Variants in APBB2 observed in about 807,000 individuals in gnomAD.
APBB2 encodes amyloid beta precursor protein binding family B member 2.
APBB2 carries 38 observed loss-of-function variants against 82.5 expected under a neutral mutation model. The observed-to-expected ratio is 0.46, with a 90% CI of 0.36 to 0.60. The LOEUF (loss-of-function observed/expected upper bound fraction) is 0.60. APBB2 is among the 20% of genes least tolerant of loss of function. The probability of loss-of-function intolerance (pLI) is 0.00; values close to 1 mark genes in which losing one functional copy is unlikely to be tolerated. For synonymous variants in APBB2, 341 were observed against 368.2 expected, an observed-to-expected ratio of 0.93 and a Z score of 0.85; for missense variants, 772 against 972.3, an observed-to-expected ratio of 0.79 and a Z score of 2.74.
At chr4:41,167,695 G>A (rs1162104589) in intron 1 of APBB2, among the ~76,000 whole-genome samples, 1 of 152,208 alleles carries the variant, frequency 6.6e-6, no homozygotes, top group Non-Finnish European at 1.5e-5. Context: ...TCCTTCTAAT[G>A]GTGATAGGTT....
chr4:41,180,950 T>TA (rs5857781), intron 1 of APBB2, among the ~76,000 whole-genome samples: 118,539 of 151,244 alleles, frequency 0.78, 47,172 homozygotes, highest in Non-Finnish European at 0.86. Flanking sequence ...CCCTTTCATC[T>TA]AAAAAAAAAT....
At chr4:40,948,654 G>T (rs983010919) in intron 6 of APBB2, among the ~76,000 whole-genome samples, 10 of 151,578 alleles carry the variant, frequency 6.6e-5, no homozygotes, top group Non-Finnish European at 1.0e-4. Flanking sequence ...CAGCTACTCG[G>T]AAGGCTGAGG....
At chr4:41,036,532 T>A (rs1719248939) in intron 4 of APBB2, among the ~76,000 whole-genome samples, 1 of 152,182 alleles carries the variant, frequency 6.6e-6, no homozygotes, top group African/African-American at 2.4e-5. Context: ...ACATTTACCG[T>A]CTTGTGGAAC....
intron 12 of APBB2, among the ~76,000 whole-genome samples, chr4:40,855,628 C>G (rs1228805542): frequency 1.3e-5 from 2 of 151,958 alleles, no homozygotes; most frequent in South Asian, 2.1e-4. Context: ...CCCAGCTACT[C>G]AGGAGGCTGA....
At chr4:41,167,948 A>G (rs1363891088) in intron 1 of APBB2, among the ~76,000 whole-genome samples, 1 of 152,254 alleles carries the variant, frequency 6.6e-6, no homozygotes, top group Non-Finnish European at 1.5e-5. Context: ...GTCAGGACAG[A>G]AACTGACAAT....
At chr4:41,005,738 AAG>A (rs1320922143) in intron 6 of APBB2, among the ~76,000 whole-genome samples, 1 of 152,126 alleles carries the variant, frequency 6.6e-6, no homozygotes, top group Non-Finnish European at 1.5e-5. Context: ...CCGTGAAGTA[AAG>A]AGAGAGAAAA....
chr4:40,915,108 G>A (rs190976833), intron 10 of APBB2, among the ~76,000 whole-genome samples: 2 of 152,328 alleles, frequency 1.3e-5, no homozygotes, highest in East Asian at 3.9e-4. Context: ...TGTCCCCACT[G>A]GTTATTCCTT....
chr4:41,161,913 A>AT (rs1224928658), intron 1 of APBB2, among the ~76,000 whole-genome samples: 1 of 152,140 alleles, frequency 6.6e-6, no homozygotes, highest in African/African-American at 2.4e-5. Flanking sequence ...ATGAACCCCC[A>AT]TACAGCCAGC....
chr4:41,039,883 T>C (rs1012270133), intron 4 of APBB2, among the ~76,000 whole-genome samples: 8 of 152,094 alleles, frequency 5.3e-5, no homozygotes, highest in African/African-American at 1.7e-4. Context: ...TTGTTATTTT[T>C]TTCTCACCCA....
intron 10 of APBB2, among the ~76,000 whole-genome samples, chr4:40,899,820 C>T (rs956653896): frequency 6.6e-6 from 1 of 152,172 alleles, no homozygotes; most frequent in Non-Finnish European, 1.5e-5. Flanking sequence ...GGGGGATCTC[C>T]TTCAGGGACC....
chr4:40,974,073 C>T (rs544541950), intron 6 of APBB2, among the ~76,000 whole-genome samples: 2 of 151,848 alleles, frequency 1.3e-5, no homozygotes, highest in African/African-American at 2.4e-5. Context: ...AGGCTGGTCT[C>T]GAACTCCTGA....
At chr4:40,837,598 G>A (rs529562328) in intron 12 of APBB2, among the ~76,000 whole-genome samples, 17 of 152,256 alleles carry the variant, frequency 1.1e-4, no homozygotes, top group Middle Eastern at 3.4e-3. Flanking sequence ...CATCAGACAC[G>A]ATCTGTCTGA....
At chr4:40,960,938 G>A (rs73244030) in intron 6 of APBB2, among the ~76,000 whole-genome samples, 3,019 of 150,632 alleles carry the variant, frequency 0.02, 48 homozygotes, top group Middle Eastern at 0.038. Context: ...AGGACTGTAT[G>A]GCAATTTCCA....
At chr4:40,841,243 G>C (rs1027240131) in intron 12 of APBB2, among the ~76,000 whole-genome samples, 2 of 152,174 alleles carry the variant, frequency 1.3e-5, no homozygotes, top group East Asian at 3.9e-4. Flanking sequence ...CTCCCAACCA[G>C]GCAGGGAGGT....
chr4:41,018,108 T>C (rs546184347), intron 5 of APBB2, among the ~76,000 whole-genome samples: 1 of 152,322 alleles, frequency 6.6e-6, no homozygotes, highest in South Asian at 2.1e-4. Context: ...TTTGACATAA[T>C]GGCTGGCATA....
At chr4:40,829,728 G>A (rs1213664030) in intron 13 of APBB2, among the ~76,000 whole-genome samples, 1 of 152,172 alleles carries the variant, frequency 6.6e-6, no homozygotes, top group Non-Finnish European at 1.5e-5. Flanking sequence ...CTGTTATGCT[G>A]GTGGGAGGCG....
chr4:40,957,133 C>T (rs117649269), intron 6 of APBB2, among the ~76,000 whole-genome samples: 14 of 152,148 alleles, frequency 9.2e-5, no homozygotes, highest in Admixed American at 3.3e-4. Context: ...ACAAAGGCGG[C>T]GCAAAGCCGG....
intron 2 of APBB2, among the ~76,000 whole-genome samples, chr4:41,106,146 T>G (rs1747151642): frequency 6.6e-6 from 1 of 152,168 alleles, no homozygotes; most frequent in Admixed American, 6.5e-5. Context: ...TATCTTACCA[T>G]TAATGGATAT....
At chr4:40,834,606 G>A (rs1052844791) in intron 12 of APBB2, among the ~76,000 whole-genome samples, 5 of 152,122 alleles carry the variant, frequency 3.3e-5, no homozygotes, top group Non-Finnish European at 4.4e-5. Context: ...GGGGCTTGGC[G>A]GATGTGATCA....
Sources: allele counts gnomAD v4.1 joint callset (sites outside exome capture counted in the v4.1 genomes callset), GRCh38; gene constraint gnomAD v4.1.1; transcripts MANE v1.5; gene names NCBI Gene and HGNC (gene_info 2026-07-23, HGNC 2026-07-21).